Variants in TBC1D14 observed in about 807,000 individuals in gnomAD.
The protein encoded by TBC1D14 is TBC1 domain family, member 14.
A neutral mutation model predicts 79.0 loss-of-function variants in TBC1D14; 26 were observed. The ratio of observed to expected loss-of-function variants is 0.33; its 90% CI spans 0.24 to 0.46. The LOEUF (loss-of-function observed/expected upper bound fraction) is 0.46. Ranked by LOEUF, TBC1D14 falls within the 20% of genes least tolerant of loss-of-function variation. TBC1D14 has a pLI of 1.00. For synonymous variants in TBC1D14, 394 were observed against 349.9 expected (o/e 1.13, Z -1.40); for missense variants, 769 against 887.6 (o/e 0.87, Z 1.70).
At chr4:7,022,722 A>G (rs1159265525) in intron 12 of TBC1D14, among the ~76,000 whole-genome samples, 1 of 152,098 alleles carries the variant, frequency 6.6e-6, no homozygotes, top group Non-Finnish European at 1.5e-5. Context: ...GGCATAGTGA[A>G]TGGCATTCTG....
chr4:6,950,835 CTATATT>C (rs1713973388), intron 2 of TBC1D14, among the ~76,000 whole-genome samples: 1 of 152,122 alleles, frequency 6.6e-6, no homozygotes, highest in Non-Finnish European at 1.5e-5. Context: ...ACTTTACTGT[CTATATT>C]TATAAGGGTA....
intron 2 of TBC1D14, among the ~76,000 whole-genome samples, chr4:6,934,711 G>T (rs114072903): frequency 6.6e-6 from 1 of 152,096 alleles, no homozygotes; most frequent in East Asian, 1.9e-4. Context: ...CAATGAGGAG[G>T]CCATCAGTGA....
chr4:6,934,008 T>A (rs1368019453), intron 2 of TBC1D14, among the ~76,000 whole-genome samples: 1 of 151,812 alleles, frequency 6.6e-6, no homozygotes, highest in African/African-American at 2.4e-5. Flanking sequence ...GAAAATAGAG[T>A]TGCCAAGTTG....
At chr4:6,909,577 C>T (rs1722792159), upstream of TBC1D14, 1 of 151,728 alleles carries the variant, frequency 6.6e-6, no homozygotes, top group African/African-American at 2.4e-5. Context: ...AGCTCCTCGC[C>T]ACTCCGGTTG....
intron 3 of TBC1D14, among the ~76,000 whole-genome samples, chr4:6,969,810 C>A (rs1310436649): frequency 1.3e-5 from 2 of 151,718 alleles, no homozygotes; most frequent in Non-Finnish European, 1.5e-5. Flanking sequence ...TATGCGGTAA[C>A]ACAATATTGC....
chr4:6,924,045 G>A lies in TBC1D14; in HGVS notation c.656G>A (p.Cys219Tyr), dbSNP rs755735508. The change falls in exon 2 of 14, where the codon TGT (cysteine) becomes TAT (tyrosine). Residue 219 changes from cysteine (C) to tyrosine (Y), a missense_variant. Physicochemically the swap from Cys to Tyr is radical, Grantham distance 194. Around this residue, in one of 2 missense-constraint regions of TBC1D14, gnomAD observed 402 missense variants for 393.2 expected, o/e 1.02. Transcript: ENST00000409757. ...ACCCGTGGCTTACACCAGCAGGACT[G>A]TGTTCATGAAGCTGAGGAGGGGAGT... ...KETRGLHQQD[C>Y]VHEAEEGSKL... 6.2e-7 allele frequency: 1 copy of A among 1,614,106 alleles called. No homozygotes were observed. The highest frequency in any genetic ancestry group is 1.1e-5 in the South Asian group (1 of 91,090).
At chr4:6,921,743 C>G (rs2108918071) in intron 1 of TBC1D14, among the ~76,000 whole-genome samples, 1 of 144,278 alleles carries the variant, frequency 6.9e-6, no homozygotes, top group South Asian at 2.2e-4. Flanking sequence ...GTTGCCCAGG[C>G]TGGAGTGCAG....
chr4:6,932,193 C>G (rs113190025), intron 2 of TBC1D14, among the ~76,000 whole-genome samples: 70 of 152,018 alleles, frequency 4.6e-4, no homozygotes, highest in African/African-American at 1.6e-3. Flanking sequence ...AACCCTGTCT[C>G]TACTAAAAAT....
At chr4:6,997,434 C>G (rs1719173656) in intron 5 of TBC1D14, 1 of 152,222 alleles carries the variant, frequency 6.6e-6, no homozygotes, top group Non-Finnish European at 1.5e-5. Flanking sequence ...CGAGACCAGC[C>G]TGACCAACAT....
chr4:6,941,112 C>T (rs114565375), intron 2 of TBC1D14, among the ~76,000 whole-genome samples: 1,748 of 151,714 alleles, frequency 0.012, 32 homozygotes, highest in African/African-American at 0.04. Flanking sequence ...CTGAATCCCA[C>T]CTGGGTTTGA....
At position 7,001,205 on chromosome 4, in the gene TBC1D14, C is replaced by G; in HGVS notation, c.1224C>G (p.Gly408=). 6.2e-7 allele frequency: 1 copy of G among 1,614,156 alleles called. No individual in the cohort carries two copies. The highest frequency in any genetic ancestry group is 1.3e-5 in the African/African-American group (1 of 75,044). The part of the protein sequence containing the change: ...WWQGIPPSVR[G]KVWSLAIGNE... Reference sequence around the variant, plus strand: ...AGGGAATCCCTCCAAGTGTGAGAGGCAAAGTCTGGAGCTTAGCCATTGGCA... The same window carrying G: ...AGGGAATCCCTCCAAGTGTGAGAGGGAAAGTCTGGAGCTTAGCCATTGGCA... The change falls in exon 7 of 14, where the codon GGC becomes GGG. Residue 408 remains glycine (G), a synonymous_variant. Transcript: ENST00000409757.
intron 3 of TBC1D14, among the ~76,000 whole-genome samples, chr4:6,969,498 C>T (rs1285944263): frequency 6.6e-5 from 10 of 152,194 alleles, no homozygotes; most frequent in South Asian, 4.2e-4. Context: ...CTCCGCCTCC[C>T]GGATTCATGT....
At chr4:6,939,030 A>G (rs1313560379) in intron 2 of TBC1D14, among the ~76,000 whole-genome samples, 1 of 152,062 alleles carries the variant, frequency 6.6e-6, no homozygotes, top group Non-Finnish European at 1.5e-5. Flanking sequence ...TGGGGAAGAG[A>G]TGCTAGTGAA....
In TBC1D14 at chr4:6,913,936, C is replaced by G. The variant is rs371793993; in HGVS notation, c.-18+3985C>G. 2.4e-4 allele frequency among the ~76,000 whole-genome samples: 36 copies of G among 152,044 alleles called. No homozygotes were observed. The East Asian group carries it at 6.9e-3, about 29-fold the overall frequency. On this transcript the variant is annotated intron_variant, in intron 1 of 13. Transcript: ENST00000409757. ...TTGAGCTCAGGAGTTCAAGACCAGC[C>G]TGGGCAACATGGTGAAACCCTACCA...
Position 6,910,847 on chromosome 4 carries a change from G to A in TBC1D14, c.-18+896G>A, listed in dbSNP as rs115977256. On this transcript the variant is annotated intron_variant, in intron 1 of 13. Coordinates refer to ENST00000409757, the MANE Select transcript of TBC1D14 (RefSeq NM_020773.3). ...AAGCTTTGCTTGGGAAGGTTTTATA[G>A]GCACCGGTGCGTTTTGCCCCTACTG... Among the ~76,000 whole-genome samples the A allele has an allele frequency of 6.1e-3, 933 of 152,234 alleles. 2 individuals carry two copies. Among genetic ancestry groups the A allele is most frequent in the Non-Finnish European group, 9.4e-3 (640 of 67,992 alleles).
chr4:6,928,125 G>A lies in TBC1D14; in HGVS notation c.722+4014G>A, dbSNP rs571339613. Among the ~76,000 whole-genome samples the A allele has an allele frequency of 2.6e-5, 4 of 152,278 alleles. No homozygotes were observed. The East Asian group carries it at 7.7e-4, about 29-fold the overall frequency. On this transcript the variant is annotated intron_variant, in intron 2 of 13. Coordinates refer to ENST00000409757, the MANE Select transcript of TBC1D14 (RefSeq NM_020773.3). ...ATCGTCTCTTGTGTAGCCCCTTTAC[G>A]GATCTCTCAGATAATCTGAGTGCCC...
intron 2 of TBC1D14, among the ~76,000 whole-genome samples, chr4:6,946,122 C>T (rs886069083): frequency 1.3e-5 from 2 of 152,138 alleles, no homozygotes; most frequent in Non-Finnish European, 2.9e-5. Context: ...TTCTTCAAGA[C>T]AAGCCCCGTG....
intron 2 of TBC1D14, among the ~76,000 whole-genome samples, chr4:6,963,795 T>G (rs1645859491): frequency 6.6e-6 from 1 of 152,196 alleles, no homozygotes; most frequent in South Asian, 2.1e-4. Flanking sequence ...AAAATAATCA[T>G]GCAACTTTGA....
intron 3 of TBC1D14, among the ~76,000 whole-genome samples, chr4:6,982,830 A>G (rs895769292): frequency 5.3e-5 from 8 of 152,208 alleles, no homozygotes; most frequent in African/African-American, 7.2e-5. Context: ...AGTGTGGTCT[A>G]TGTGGCTAAA....
Sources: allele counts gnomAD v4.1 joint callset (sites outside exome capture counted in the v4.1 genomes callset), GRCh38; gene constraint gnomAD v4.1.1; regional missense constraint gnomAD v4.1.1; transcripts MANE v1.5; gene names NCBI Gene and HGNC (gene_info 2026-07-23, HGNC 2026-07-21).